Variants in A1CF observed in about 807,000 individuals in gnomAD.
A1CF encodes the protein APOBEC1 complementation factor.
Under a neutral mutation model 68.9 loss-of-function variants are expected in A1CF, and 48 were observed. The observed-to-expected ratio is 0.70, with a 90% CI of 0.55 to 0.89. A1CF has a LOEUF of 0.89. Among genes scored for constraint, A1CF ranks in the 40% least tolerant of loss-of-function variants. The pLI, the probability that A1CF is intolerant of heterozygous loss-of-function variation, is 0.00. For missense variants in A1CF, 653 were observed against 718.9 expected, an observed-to-expected ratio of 0.91 and a Z score of 1.05; for synonymous variants, 272 against 260.4, an observed-to-expected ratio of 1.04 and a Z score of -0.43.
intron 5 of A1CF, among the ~76,000 whole-genome samples, chr10:50,837,060 A>G (rs1839536041): frequency 6.6e-6 from 1 of 152,036 alleles, no homozygotes; most frequent in African/African-American, 2.4e-5. Flanking sequence ...TTTCTTTTGT[A>G]GCCAAAGAGA....
Position 50,828,273 on chromosome 10 carries a change from A to G in A1CF, c.627T>C (p.His209=). Residue 209 remains histidine, a synonymous_variant, in exon 7 of 13, where the codon CAT becomes CAC. Coordinates refer to ENST00000373997, the MANE Select transcript of A1CF (RefSeq NM_014576.4). ...GCTCTGCCCAGTCTACTGCAATACC[A>G]TGTCCCCATAACTGAATTCTTCCTG... The part of the protein sequence containing the change: ...LLPGRIQLWG[H]GIAVDWAEPE... The G allele has an allele frequency of 1.9e-6, 3 of 1,579,200 alleles. No homozygotes were observed. The highest frequency in any genetic ancestry group is 2.6e-6 in the Non-Finnish European group (3 of 1,156,538).
chr10:50,841,950 C>T lies in A1CF; in HGVS notation c.277G>A (p.Gly93Ser), dbSNP rs755690056. The T allele has an allele frequency of 1.2e-5, 19 of 1,611,470 alleles. No homozygotes were observed. In the East Asian group the frequency reaches 3.1e-4, roughly 27 times the overall value. Residue 93 changes from glycine to serine, a missense_variant, in exon 5 of 13, where the codon GGC becomes AGC. Transcript: ENST00000373997. ...YEMRMMMDFN[G>S]NNRGYAFVTF... is the part of the protein sequence containing the mutation. ...ACAAATGCATATCCTCTATTGTTGC[C>T]ATTAAAATCCATCATCATTCTCATT...
chr10:50,805,840 T>C lies in A1CF; in HGVS notation c.*889A>G, dbSNP rs1430019275. ...AATTTGCTGAAAGGAAGAAGTATCA[T>C]AAATGATATTCTGTATATCTGATTT... On this transcript the variant is annotated 3_prime_UTR_variant, in exon 13 of 13. Transcript: ENST00000373997. 1 of 152,216 alleles carries C rather than the reference T, an allele frequency of 6.6e-6. No homozygotes were observed. The highest frequency in any genetic ancestry group is 1.5e-5 in the Non-Finnish European group (1 of 68,036). 9.4% of individuals were successfully genotyped at this position (152,216 alleles called of 1,614,324 possible).
In A1CF at chr10:50,870,948, AAGTTTAATTCATT is replaced by A. The variant is rs548965273; in HGVS notation, c.-93-6881_-93-6869del. ...GTTTATTAAACATTAGGGATTATCG[AAGTTTAATTCATT>A]TCACTGTTAAAAAGAAAACACGTGA... On this transcript the variant is annotated intron_variant, in intron 1 of 12. Transcript: ENST00000373997. Among the ~76,000 whole-genome samples the A allele has an allele frequency of 3.4e-4, 52 of 151,866 alleles. 2 individuals carry two copies. In the South Asian group the frequency reaches 9.8e-3, roughly 29 times the overall value.
chr10:50,831,586 G>C (rs1839243432), intron 6 of A1CF, among the ~76,000 whole-genome samples: 1 of 152,158 alleles, frequency 6.6e-6, no homozygotes, highest in Non-Finnish European at 1.5e-5. Context: ...AAGTTAGCCA[G>C]GCGTGGTGGC....
rs911083034 is a variant in A1CF, at chr10:50,800,721, A to G, written c.*6008T>C. 1.3e-5 allele frequency: 2 copies of G among 152,218 alleles called. No homozygotes were observed. Among genetic ancestry groups the G allele is most frequent in the African/African-American group, 4.8e-5 (2 of 41,464 alleles). The allele number at this position is 152,218 out of a possible 1,614,324, so 9.4% of individuals were successfully genotyped here. Reference sequence around the variant, plus strand: ...AGTGAAGAGAATAGAGGGAGGGAAAAAGGGAAATTTTATGAAAAAGGAAAA... The same window carrying G: ...AGTGAAGAGAATAGAGGGAGGGAAAGAGGGAAATTTTATGAAAAAGGAAAA... On this transcript the variant is annotated 3_prime_UTR_variant, in exon 13 of 13. Coordinates refer to ENST00000373997, the MANE Select transcript of A1CF (RefSeq NM_014576.4).
chr10:50,822,369 C>T (rs754217572), intron 7 of A1CF, among the ~76,000 whole-genome samples: 2 of 151,996 alleles, frequency 1.3e-5, no homozygotes, highest in East Asian at 1.9e-4. Flanking sequence ...TTGAGAGTGC[C>T]GGGAGACAAC....
rs574044306 is a variant in A1CF, at chr10:50,816,141, C to G, written c.1006G>C (p.Asp336His). 3.1e-6 allele frequency: 5 copies of G among 1,613,686 alleles called. No individual in the cohort carries two copies. The highest frequency in any genetic ancestry group is 4.2e-6 in the Non-Finnish European group (5 of 1,179,870). ...EYTYSLGQVY[D>H]PTTTYLGAPV... ...GCTCCAAGGTAGGTTGTGGTGGGAT[C>G]ATAAACTTGGCCCAAAGAGTAGGTA... The change falls in exon 9 of 13, where the codon GAT becomes CAT. Residue 336 changes from aspartate (D) to histidine (H), a missense_variant. By Grantham distance (81) the Asp-to-His change is moderately conservative. Transcript: ENST00000373997.
At position 50,815,458 on chromosome 10, in the gene A1CF, C is replaced by T. The variant is rs571880776; in HGVS notation, c.1141+548G>A. Among the ~76,000 whole-genome samples, 112 of 152,140 alleles carry T rather than the reference C, an allele frequency of 7.4e-4. 2 individuals are homozygous for T. The Middle Eastern group carries it at 0.024, about 32-fold the overall frequency. On this transcript the variant is annotated intron_variant, in intron 9 of 12. Transcript: ENST00000373997. ...AGTAATGTCCTTAATTATTTGGCTT[C>T]TAAGAAAGTATAACATATTTCCTGG... is the stretch of plus-strand genomic sequence containing the variant.
intron 6 of A1CF, among the ~76,000 whole-genome samples, chr10:50,829,628 A>G (rs934044575): frequency 1.3e-5 from 2 of 152,152 alleles, no homozygotes; most frequent in Admixed American, 6.6e-5. Context: ...AGCTGTGACC[A>G]TCTTGTTCTG....
chr10:50,807,030 C>CTTTTT, intron 12 of A1CF, 150 bp from the exon 13 acceptor site: 2 of 761,714 alleles, frequency 2.6e-6, no homozygotes, highest in Non-Finnish European at 4.0e-6. Flanking sequence ...CTTAAGGACA[C>CTTTTT]AATATGTGGA....
chr10:50,853,158 C>T (rs1471817108), intron 3 of A1CF, among the ~76,000 whole-genome samples: 1 of 152,130 alleles, frequency 6.6e-6, no homozygotes, highest in African/African-American at 2.4e-5. Flanking sequence ...ACACCAGGTT[C>T]ATGGCTGATT....
intron 10 of A1CF, among the ~76,000 whole-genome samples, chr10:50,812,797 G>A (rs554223192): frequency 2.6e-5 from 4 of 152,230 alleles, no homozygotes; most frequent in African/African-American, 7.2e-5. Flanking sequence ...AGCACCTAGC[G>A]CACTACATGG....
At chr10:50,831,693 A>G (rs1564508467) in intron 6 of A1CF, among the ~76,000 whole-genome samples, 1 of 152,216 alleles carries the variant, frequency 6.6e-6, no homozygotes, top group Non-Finnish European at 1.5e-5. Context: ...ATGCCATTGC[A>G]CTCTAGCCTG....
chr10:50,801,705 G>A lies in A1CF; in HGVS notation c.*5024C>T, dbSNP rs1837608154. ...GAGAACAAGCTGTATTCTTCTTCTT[G>A]AATTTCTCTCTCAAAATAGGAGAAA... On this transcript the variant is annotated 3_prime_UTR_variant, in exon 13 of 13. Transcript: ENST00000373997. 6.6e-6 allele frequency: 1 copy of A among 152,124 alleles called. No homozygotes were observed. The highest frequency in any genetic ancestry group is 2.1e-4 in the South Asian group (1 of 4,824). 9.4% of individuals were successfully genotyped at this position (152,124 alleles called of 1,614,324 possible). A position where few individuals can be genotyped will look rare whatever the true frequency, so the allele number is the denominator to read the frequency against.
intron 1 of A1CF, among the ~76,000 whole-genome samples, chr10:50,868,916 A>G (rs1458247955): frequency 1.1e-4 from 16 of 152,182 alleles, no homozygotes; most frequent in Admixed American, 1.0e-3. Flanking sequence ...GTTCTCACAT[A>G]TAAGTGGGAG....
At chr10:50,816,407 T>C in intron 8 of A1CF, 128 bp from the exon 9 acceptor site, 1 of 1,123,950 alleles carries the variant, frequency 8.9e-7, no homozygotes, top group Non-Finnish European at 1.2e-6. Context: ...TTGTATCTTG[T>C]CATTTTATAG....
intron 12 of A1CF, among the ~76,000 whole-genome samples, chr10:50,808,760 G>C (rs1275782310): frequency 2.0e-5 from 3 of 152,010 alleles, no homozygotes; most frequent in Non-Finnish European, 4.4e-5. Context: ...CAGAATGGAG[G>C]ATATATTCAA....
chr10:50,806,577 T>A lies in A1CF; in HGVS notation c.*152A>T. 3 of 550,160 alleles carry A rather than the reference T, an allele frequency of 5.5e-6. No homozygotes were observed. The highest frequency in any genetic ancestry group is 8.3e-6 in the Non-Finnish European group (3 of 360,740). The allele number at this position is 550,160 out of a possible 1,614,324, so 34.1% of individuals were successfully genotyped here. ...CAGAATAACGTTCTTACTTCATGAT[T>A]CTATAATTGGTATAAGCTATACAGT... On this transcript the variant is annotated 3_prime_UTR_variant, in exon 13 of 13. Coordinates refer to ENST00000373997, the MANE Select transcript of A1CF (RefSeq NM_014576.4).
Sources: gnomAD v4.1 joint callset for allele counts (sites outside exome capture counted in the v4.1 genomes callset) on GRCh38, gnomAD v4.1.1 for gene constraint, MANE v1.5 for transcripts, NCBI Gene and HGNC (gene_info 2026-07-23, HGNC 2026-07-21) for gene names.